The following KLHL7 variants were observed in gnomAD, a reference collection of about 807,000 sequenced individuals.
KLHL7 encodes the protein kelch like family member 7, also known as kelch-like protein 7.
Under a neutral mutation model 67.4 loss-of-function variants are expected in KLHL7, and 44 were observed. The observed-to-expected ratio is 0.65, with a 90% confidence interval of 0.51 to 0.84. The LOEUF (loss-of-function observed/expected upper bound fraction) is 0.84. Among genes scored for constraint, KLHL7 ranks in the 40% least tolerant of loss-of-function variants. The pLI is 0.00. For missense variants in KLHL7, 362 were observed against 718.1 expected, an observed-to-expected ratio of 0.50 and a Z score of 5.67; for synonymous variants, 252 against 243.3, an observed-to-expected ratio of 1.04 and a Z score of -0.33.
intron 7 of KLHL7, among the ~76,000 whole-genome samples, chr7:23,155,663 A>AAAAAC (rs1203557716): frequency 7.3e-4 from 107 of 147,186 alleles, no homozygotes; most frequent in African/African-American, 2.6e-3. Context: ...CAGCAACCAA[A>AAAAAC]AAAACAAAAC....
chr7:23,161,719 T>C (rs1012144719), intron 7 of KLHL7, among the ~76,000 whole-genome samples: 2 of 152,190 alleles, frequency 1.3e-5, no homozygotes, highest in Non-Finnish European at 2.9e-5. Flanking sequence ...AAGATAGTGC[T>C]GCAATGAAGA....
At chr7:23,120,896 A>G (rs2128459216) in intron 1 of KLHL7, among the ~76,000 whole-genome samples, 1 of 152,308 alleles carries the variant, frequency 6.6e-6, no homozygotes, top group East Asian at 1.9e-4. Flanking sequence ...GTCATCCTAC[A>G]GTGATATAGA....
chr7:23,154,968 T>C (rs976547389), intron 7 of KLHL7, among the ~76,000 whole-genome samples: 2 of 152,140 alleles, frequency 1.3e-5, no homozygotes. Context: ...ACCATAACAC[T>C]TAACACCATA....
intron 6 of KLHL7, among the ~76,000 whole-genome samples, chr7:23,150,565 G>A (rs1205591976): frequency 6.6e-6 from 1 of 151,948 alleles, no homozygotes; most frequent in African/African-American, 2.4e-5. Flanking sequence ...ATGTTCTATT[G>A]TATAGACATA....
chr7:23,129,202 G>T, intron 4 of KLHL7: 1 of 209,698 alleles, frequency 4.8e-6, no homozygotes, highest in Non-Finnish European at 9.5e-6. Context: ...GCTACTGCAT[G>T]CAGTGATCAT....
intron 4 of KLHL7, among the ~76,000 whole-genome samples, chr7:23,138,628 C>T (rs1394762018): frequency 6.6e-6 from 1 of 151,922 alleles, no homozygotes; most frequent in Non-Finnish European, 1.5e-5. Flanking sequence ...ACCTCTGCCT[C>T]CCGGGTTCAA....
At chr7:23,150,484 A>G (rs764813828) in intron 6 of KLHL7, among the ~76,000 whole-genome samples, 3 of 152,208 alleles carry the variant, frequency 2.0e-5, no homozygotes, top group Non-Finnish European at 4.4e-5. Context: ...GCTTTTTTTC[A>G]TTCCATATTA....
chr7:23,123,371 A>AATGGAAAAT (rs1218324615), intron 1 of KLHL7, among the ~76,000 whole-genome samples: 1 of 152,176 alleles, frequency 6.6e-6, no homozygotes, highest in African/African-American at 2.4e-5. Context: ...TAAATCATAT[A>AATGGAAAAT]AAAACTAATT....
intron 4 of KLHL7, chr7:23,126,012 TAAC>T (rs1269702948): frequency 1.4e-6 from 1 of 710,164 alleles, no homozygotes; most frequent in South Asian, 1.5e-5. Context: ...AGTAAAAGAT[TAAC>T]AACAATAATA....
rs184758153 is a variant in KLHL7, at chr7:23,106,678, C to G, written c.120+532C>G. ...GCTAATTTAGAGCAGAAGCAGCCAT[C>G]GATAAATACCATGCCATCTTCTAAG... On this transcript the variant is annotated intron_variant, in intron 1 of 10. Coordinates refer to ENST00000339077, the MANE Select transcript of KLHL7 (RefSeq NM_001031710.3). The G allele has an allele frequency of 6.0e-6, 6 of 1,008,118 alleles. No homozygotes were observed. In the East Asian group the frequency reaches 5.6e-4, roughly 93 times the overall value. 62.4% of individuals were successfully genotyped at this position (1,008,118 alleles called of 1,614,324 possible). A position where few individuals can be genotyped will look rare whatever the true frequency, so the allele number is the denominator to read the frequency against.
chr7:23,117,844 C>T, intron 1 of KLHL7: 1 of 1,611,064 alleles, frequency 6.2e-7, no homozygotes, highest in African/African-American at 1.3e-5. Context: ...TGATTTAAAT[C>T]TACCACCCAG....
chr7:23,109,252 T>C (rs1406840832), intron 1 of KLHL7, among the ~76,000 whole-genome samples: 1 of 152,224 alleles, frequency 6.6e-6, no homozygotes, highest in East Asian at 1.9e-4. Context: ...TATAGGAGCA[T>C]CTTATTTAAT....
chr7:23,146,297 T>G (rs1018389727), intron 6 of KLHL7, among the ~76,000 whole-genome samples: 1 of 152,208 alleles, frequency 6.6e-6, no homozygotes, highest in Non-Finnish European at 1.5e-5. Context: ...TGCAGGGTAA[T>G]TTAGCTTGCT....
intron 5 of KLHL7, among the ~76,000 whole-genome samples, chr7:23,142,475 C>T (rs1784220353): frequency 1.3e-5 from 2 of 152,102 alleles, no homozygotes; most frequent in South Asian, 4.1e-4. Context: ...AAAAAATTTA[C>T]TTCCATGATC....
At chr7:23,106,707 A>G (rs953123995) in intron 1 of KLHL7, 1 of 999,076 alleles carries the variant, frequency 1.0e-6, no homozygotes, top group East Asian at 9.9e-5. Context: ...TTCTAAGGGC[A>G]CTGTGCGCCT....
intron 6 of KLHL7, among the ~76,000 whole-genome samples, chr7:23,145,931 T>C (rs1282622926): frequency 1.3e-5 from 2 of 152,140 alleles, no homozygotes; most frequent in East Asian, 3.9e-4. Context: ...GATGTCTCGC[T>C]ATCTTGTTCA....
Position 23,128,514 on chromosome 7 carries a change from C to G in KLHL7, c.442+3342C>G, listed in dbSNP as rs911558724. Among the ~76,000 whole-genome samples the G allele has an allele frequency of 2.0e-5, 3 of 150,762 alleles. No homozygotes were observed. In the East Asian group the frequency reaches 5.9e-4, roughly 29 times the overall value. On this transcript the variant is annotated intron_variant, in intron 4 of 10. Coordinates refer to ENST00000339077, the MANE Select transcript of KLHL7 (RefSeq NM_001031710.3). ...AACCTGATCAATGAACTAAGATATT[C>G]CTCCCTCAGATATATTCTAGTGATA...
chr7:23,118,051 A>G, intron 1 of KLHL7: 1 of 1,486,828 alleles, frequency 6.7e-7, no homozygotes, highest in Middle Eastern at 1.7e-4. Context: ...TAATGACAGC[A>G]CATGTGATTA....
At chr7:23,119,274 T>C (rs1783230120) in intron 1 of KLHL7, among the ~76,000 whole-genome samples, 1 of 152,146 alleles carries the variant, frequency 6.6e-6, no homozygotes, top group African/African-American at 2.4e-5. Flanking sequence ...GCACGATCTC[T>C]GCTCACTGCA....
Sources: gnomAD v4.1 joint callset for allele counts (sites outside exome capture counted in the v4.1 genomes callset) on GRCh38, gnomAD v4.1.1 for gene constraint, MANE v1.5 for transcripts, NCBI Gene and HGNC (gene_info 2026-07-23, HGNC 2026-07-21) for gene names.